The following NAALADL2 variants were observed in gnomAD, a reference collection of about 807,000 sequenced individuals.
The protein encoded by NAALADL2 is N-acetylated alpha-linked acidic dipeptidase like 2, also known as inactive N-acetylated-alpha-linked acidic dipeptidase-like protein 2.
Under a neutral mutation model 87.2 loss-of-function variants are expected in NAALADL2, and 76 were observed. That is an observed-to-expected ratio of 0.87 (90% CI 0.72 to 1.05). NAALADL2 has a LOEUF of 1.05. Ranked by LOEUF, NAALADL2 falls within the 50% of genes least tolerant of loss-of-function variation. The pLI is 0.00. For synonymous variants in NAALADL2, 354 were observed against 331.0 expected, an observed-to-expected ratio of 1.07 and a Z score of -0.75; for missense variants, 1,089 against 945.8, an observed-to-expected ratio of 1.15 and a Z score of -1.99.
intron 9 of NAALADL2, among the ~76,000 whole-genome samples, chr3:175,565,278 T>C (rs1205680104): frequency 2.0e-5 from 3 of 152,208 alleles, no homozygotes; most frequent in Non-Finnish European, 4.4e-5. Context: ...TCTCATAGAA[T>C]TGCATTATCA....
intron 1 of NAALADL2, among the ~76,000 whole-genome samples, chr3:174,479,582 A>G (rs959944966): frequency 2.6e-5 from 4 of 152,118 alleles, no homozygotes; most frequent in African/African-American, 4.8e-5. Flanking sequence ...AGGATGGTCT[A>G]TCTAACACTT....
At chr3:175,095,717 T>G (rs1400496817) in intron 1 of NAALADL2, among the ~76,000 whole-genome samples, 1 of 152,052 alleles carries the variant, frequency 6.6e-6, no homozygotes, top group Non-Finnish European at 1.5e-5. Context: ...CCTAAGGCAA[T>G]TAGCTTATCA....
At chr3:175,343,293 TAG>T (rs1189726135) in intron 5 of NAALADL2, among the ~76,000 whole-genome samples, 1 of 152,136 alleles carries the variant, frequency 6.6e-6, no homozygotes, top group Non-Finnish European at 1.5e-5. Flanking sequence ...TTGGCATATA[TAG>T]AGTTTCTCCA....
At chr3:175,366,671 C>T (rs1373450160) in intron 5 of NAALADL2, among the ~76,000 whole-genome samples, 1 of 151,400 alleles carries the variant, frequency 6.6e-6, no homozygotes, top group Non-Finnish European at 1.5e-5. Flanking sequence ...TGAGAAGTGT[C>T]TGTTCATATC....
intron 2 of NAALADL2, among the ~76,000 whole-genome samples, chr3:174,624,437 A>C (rs1028633990): frequency 3.9e-5 from 6 of 152,102 alleles, no homozygotes; most frequent in Non-Finnish European, 5.9e-5. Flanking sequence ...CAGCCTGGCC[A>C]ACATGGTGAA....
chr3:174,843,146 A>T (rs1305954745), intron 3 of NAALADL2, among the ~76,000 whole-genome samples: 2 of 152,114 alleles, frequency 1.3e-5, no homozygotes, highest in Non-Finnish European at 2.9e-5. Flanking sequence ...TTTGTAATAC[A>T]TTATACGATA....
chr3:174,983,296 T>G (rs564058466), intron 1 of NAALADL2, among the ~76,000 whole-genome samples: 3 of 152,238 alleles, frequency 2.0e-5, no homozygotes, highest in South Asian at 2.1e-4. Context: ...TTGAATAATT[T>G]TGGTGGGCTC....
chr3:174,948,240 G>T (rs970866686), intron 1 of NAALADL2, among the ~76,000 whole-genome samples: 13 of 152,114 alleles, frequency 8.5e-5, no homozygotes, highest in African/African-American at 2.9e-4. Flanking sequence ...GCATTGGCTT[G>T]ATCTCCGCTC....
intron 1 of NAALADL2, among the ~76,000 whole-genome samples, chr3:174,869,980 G>A (rs114200137): frequency 6.0e-5 from 7 of 117,302 alleles, no homozygotes; most frequent in Non-Finnish European, 9.8e-5. Context: ...TGGGCAACAA[G>A]AGCGACAAAA....
chr3:175,772,140 A>T (rs954593914), intron 13 of NAALADL2, among the ~76,000 whole-genome samples: 3 of 152,214 alleles, frequency 2.0e-5, no homozygotes, highest in Non-Finnish European at 4.4e-5. Context: ...GGTCCTAGAG[A>T]TTAAAATCTG....
chr3:174,648,117 G>C (rs575901989), intron 2 of NAALADL2, among the ~76,000 whole-genome samples: 1 of 151,968 alleles, frequency 6.6e-6, no homozygotes, highest in Admixed American at 6.6e-5. Context: ...ATTTTCAGAG[G>C]GAGAGACCAC....
intron 9 of NAALADL2, among the ~76,000 whole-genome samples, chr3:175,574,205 G>C (rs77087807): frequency 0.012 from 1,859 of 152,276 alleles, 37 homozygotes; most frequent in African/African-American, 0.039. Context: ...ATGGTGATCT[G>C]AAAAGGAAAA....
intron 3 of NAALADL2, among the ~76,000 whole-genome samples, chr3:174,742,616 A>C (rs1209154878): frequency 6.6e-6 from 1 of 151,742 alleles, no homozygotes; most frequent in East Asian, 1.9e-4. Context: ...TTTCTGTTAC[A>C]TAATTGCTCT....
intron 4 of NAALADL2, among the ~76,000 whole-genome samples, chr3:175,284,634 G>T (rs1754760975): frequency 6.6e-6 from 1 of 151,990 alleles, no homozygotes; most frequent in Non-Finnish European, 1.5e-5. Context: ...AAGGTGTGAA[G>T]AATCAGATTA....
intron 1 of NAALADL2, among the ~76,000 whole-genome samples, chr3:174,910,365 A>AT (rs1733542039): frequency 6.6e-6 from 1 of 152,094 alleles, no homozygotes; most frequent in East Asian, 1.9e-4. Flanking sequence ...GAAATTTGTT[A>AT]TCCTTTTTTC....
chr3:175,288,695 G>A (rs746968123), intron 4 of NAALADL2, among the ~76,000 whole-genome samples: 4 of 152,108 alleles, frequency 2.6e-5, no homozygotes, highest in East Asian at 1.9e-4. Flanking sequence ...TGACTTGTCC[G>A]TTCCATGGGA....
chr3:175,679,079 TTGAGCCAGGA>T (rs1735239179), intron 11 of NAALADL2, among the ~76,000 whole-genome samples: 1 of 151,948 alleles, frequency 6.6e-6, no homozygotes, highest in African/African-American at 2.4e-5. Flanking sequence ...GGGGGAGCTT[TTGAGCCAGGA>T]TGAGCCAGGA....
intron 5 of NAALADL2, among the ~76,000 whole-genome samples, chr3:175,350,909 A>G (rs1763688466): frequency 6.6e-6 from 1 of 152,142 alleles, no homozygotes; most frequent in Non-Finnish European, 1.5e-5. Flanking sequence ...TCAAATGGAT[A>G]CTTTCACATA....
intron 2 of NAALADL2, among the ~76,000 whole-genome samples, chr3:175,136,282 C>T (rs766430575): frequency 1.3e-5 from 2 of 152,164 alleles, no homozygotes; most frequent in African/African-American, 4.8e-5. Flanking sequence ...TTAGAGTTGA[C>T]TTGAGGGAGG....
Sources: gnomAD v4.1 joint callset for allele counts (sites outside exome capture counted in the v4.1 genomes callset) on GRCh38, gnomAD v4.1.1 for gene constraint, MANE v1.5 for transcripts, NCBI Gene and HGNC (gene_info 2026-07-23, HGNC 2026-07-21) for gene names.